Variants in ZSCAN25 observed in about 807,000 individuals in gnomAD.
ZSCAN25 encodes the protein zinc finger and SCAN domain containing 25.
A neutral mutation model predicts 38.7 loss-of-function variants in ZSCAN25; 27 were observed. That is an observed-to-expected ratio of 0.70 (90% CI 0.51 to 0.96). The LOEUF is 0.96. Ranked by LOEUF, ZSCAN25 falls within the 40% of genes least tolerant of loss-of-function variation. ZSCAN25 has a pLI of 0.00. For missense variants in ZSCAN25, 637 were observed against 705.9 expected, an observed-to-expected ratio of 0.90 and a Z score of 1.11; for synonymous variants, 273 against 277.7, an observed-to-expected ratio of 0.98 and a Z score of 0.17.
chr7:99,652,388 C>G, the ZSCAN25 span: 70 of 477,440 alleles, frequency 1.5e-4, no homozygotes, highest in Non-Finnish European at 1.1e-4. Context: ...TTCGTTTTTT[C>G]TAGTCTGTGG....
chr7:99,639,053 A>G, the ZSCAN25 span, among the ~76,000 whole-genome samples: 19 of 152,198 alleles, frequency 1.2e-4, no homozygotes, highest in African/African-American at 3.9e-4. Flanking sequence ...ATTGTAGGAT[A>G]TTTAGCAGCA....
chr7:99,725,733 C>T, the ZSCAN25 span, among the ~76,000 whole-genome samples: 2 of 152,324 alleles, frequency 1.3e-5, no homozygotes, highest in South Asian at 4.1e-4. Flanking sequence ...GGCTTAGTGG[C>T]TGAAGACTGA....
At chr7:99,683,120 C>T in the ZSCAN25 span, among the ~76,000 whole-genome samples, 434 of 152,256 alleles carry the variant, frequency 2.9e-3, 3 homozygotes, top group African/African-American at 9.9e-3. Flanking sequence ...ATCATTTGAA[C>T]ATCTTCTTGC....
chr7:99,622,634 A>T lies in ZSCAN25; in HGVS notation c.675A>T (p.Gly225=). Residue 225 remains glycine (G), a synonymous_variant, in exon 6 of 8, where the codon GGA becomes GGT. Transcript: ENST00000394152. ...TGGCAGCTGGGTTCTTTACTGCTGG[A>T]TCGCAGGTGAGCTCTGACTCCCTTT... is the stretch of plus-strand genomic sequence containing the variant. ...QEMAAGFFTA[G]SQGLGPFKDM... is the part of the protein sequence containing the mutation. 1.2e-6 allele frequency: 2 copies of T among 1,614,024 alleles called. No homozygotes were observed. Among genetic ancestry groups the T allele is most frequent in the Non-Finnish European group, 1.7e-6 (2 of 1,179,954 alleles).
chr7:99,676,318 C>T, the ZSCAN25 span: 17 of 1,570,646 alleles, frequency 1.1e-5, no homozygotes, highest in East Asian at 4.7e-5. Flanking sequence ...AATATGTACA[C>T]GATAAATAAT....
At chr7:99,685,265 G>T in the ZSCAN25 span, 1 of 1,612,452 alleles carries the variant, frequency 6.2e-7, no homozygotes, top group Non-Finnish European at 8.5e-7. Flanking sequence ...ATATTGAGAA[G>T]CATTAAATAA....
chr7:99,649,966 T>C, the ZSCAN25 span: 15 of 1,388,124 alleles, frequency 1.1e-5, no homozygotes, highest in East Asian at 2.5e-5. Context: ...GTAGGTTCTT[T>C]GGCCCATAGA....
chr7:99,621,556 C>T lies in ZSCAN25; in HGVS notation c.571C>T (p.Arg191Trp), dbSNP rs762904343. ...CAGTCAGGACCCTGGAGATGAGACA[C>T]GGGCCTTCCAGGAGCAAGGTGAGTA... ...QLSQDPGDET[R>W]AFQEQALPVL... The change falls in exon 5 of 8, where the codon CGG becomes TGG. Residue 191 changes from arginine to tryptophan, a missense_variant. By Grantham distance (101) the Arg-to-Trp change is moderately radical (BLOSUM62 -3). Coordinates refer to ENST00000394152, the MANE Select transcript of ZSCAN25 (RefSeq NM_145115.3). 133 of 1,477,920 alleles carry T rather than the reference C, an allele frequency of 9.0e-5. 1 individual carries two copies. Among genetic ancestry groups the T allele is most frequent in the South Asian group, 6.2e-4 (45 of 72,206 alleles). 91.6% of individuals were successfully genotyped at this position (1,477,920 alleles called of 1,614,324 possible).
chr7:99,666,927 A>G, the ZSCAN25 span: 1 of 1,610,476 alleles, frequency 6.2e-7, no homozygotes, highest in Non-Finnish European at 8.5e-7. Context: ...TACATTTCTA[A>G]TTAAGACTCA....
At chr7:99,683,048 AATCATTTGGAAAT>A in the ZSCAN25 span, among the ~76,000 whole-genome samples, 290 of 152,354 alleles carry the variant, frequency 1.9e-3, no homozygotes, top group Middle Eastern at 0.01. Flanking sequence ...ATCATTTGGA[AATCATTTGGAAAT>A]ATCATTTGGA....
chr7:99,736,016 G>A, the ZSCAN25 span, among the ~76,000 whole-genome samples: 1 of 152,208 alleles, frequency 6.6e-6, no homozygotes, highest in African/African-American at 2.4e-5. Flanking sequence ...TGTCCTCTGT[G>A]ATTCTGTTGG....
chr7:99,709,103 C>A, the ZSCAN25 span: 1 of 1,613,836 alleles, frequency 6.2e-7, no homozygotes, highest in East Asian at 2.2e-5. Flanking sequence ...AGCTTGGAAT[C>A]ATCACCACCA....
the ZSCAN25 span, chr7:99,679,777 G>A: frequency 6.3e-7 from 1 of 1,577,770 alleles, no homozygotes; most frequent in South Asian, 1.1e-5. Flanking sequence ...GGCCCGATTA[G>A]CACCCCAAGT....
chr7:99,674,531 A>AC, the ZSCAN25 span: 1 of 1,613,114 alleles, frequency 6.2e-7, no homozygotes, highest in Non-Finnish European at 8.5e-7. Flanking sequence ...CAGAATACTC[A>AC]CCCCCACATT....
At chr7:99,716,676 C>T in the ZSCAN25 span, among the ~76,000 whole-genome samples, 2 of 152,102 alleles carry the variant, frequency 1.3e-5, no homozygotes, top group East Asian at 1.9e-4. Context: ...TTACCACCCT[C>T]TCTCTTTGAG....
the ZSCAN25 span, chr7:99,647,939 A>T: frequency 1.1e-5 from 11 of 983,662 alleles, no homozygotes; most frequent in Non-Finnish European, 9.7e-6. Flanking sequence ...TATTAGAGTC[A>T]TCATGATAAT....
In ZSCAN25 at chr7:99,629,504, G is replaced by A; in HGVS notation, c.1119G>A (p.Lys373=). Residue 373 remains lysine (K), a synonymous_variant, in exon 8 of 8, where the codon AAG becomes AAA. Coordinates refer to ENST00000394152, the MANE Select transcript of ZSCAN25 (RefSeq NM_145115.3). This position sits in a 1 kb window ranked among gnomAD's most constrained non-coding sequence, Gnocchi z 5.6. ...GGCACCAGCGAACCCACGAAGAGAAGTCTTATGGCTGTGTGGAGTGTGGGA... is the reference window on the plus strand; with the variant it reads ...GGCACCAGCGAACCCACGAAGAGAAATCTTATGGCTGTGTGGAGTGTGGGA... ...LVRHQRTHEE[K]SYGCVECGKG... The A allele has an allele frequency of 1.9e-6, 3 of 1,614,246 alleles. No homozygotes were observed. The highest frequency in any genetic ancestry group is 1.1e-5 in the South Asian group (1 of 91,088).
chr7:99,632,029 G>A lies in ZSCAN25; in HGVS notation c.*2009G>A, dbSNP rs1808040234. On this transcript the variant is annotated 3_prime_UTR_variant, in exon 8 of 8. Coordinates refer to ENST00000394152, the MANE Select transcript of ZSCAN25 (RefSeq NM_145115.3). ...GCAGGTGGGGACTGGGGAGGCCTCGGGGGGCTGCTTGTCATTACCTGAATC... is the reference window on the plus strand; with the variant it reads ...GCAGGTGGGGACTGGGGAGGCCTCGAGGGGCTGCTTGTCATTACCTGAATC... 1.0e-6 allele frequency: 1 copy of A among 985,362 alleles called. No homozygotes were observed. Among genetic ancestry groups the A allele is most frequent in the Admixed American group, 6.1e-5 (1 of 16,266 alleles). 61.0% of individuals were successfully genotyped at this position (985,362 alleles called of 1,614,324 possible).
At chr7:99,703,865 T>C in the ZSCAN25 span, among the ~76,000 whole-genome samples, 1 of 151,840 alleles carries the variant, frequency 6.6e-6, no homozygotes, top group African/African-American at 2.4e-5. Flanking sequence ...TTGCTTGGAC[T>C]CCCACACCCA....
Sources: allele counts gnomAD v4.1 joint callset (sites outside exome capture counted in the v4.1 genomes callset), GRCh38; gene constraint gnomAD v4.1.1; non-coding constraint Gnocchi (gnomAD v3.1); transcripts MANE v1.5; gene names NCBI Gene and HGNC (gene_info 2026-07-23, HGNC 2026-07-21).